The following NEIL2 variants were observed in gnomAD, a reference collection of about 807,000 sequenced individuals.
The protein encoded by NEIL2 is nei like DNA glycosylase 2.
In NEIL2, 23 loss-of-function variants were observed where a neutral mutation model predicts 22.2. The ratio of observed to expected loss-of-function variants is 1.04; its 90% CI spans 0.75 to 1.47. The LOEUF (loss-of-function observed/expected upper bound fraction) is 1.47, where lower values mean the gene tolerates loss of function less well. Among genes scored for constraint, NEIL2 ranks in the 40% most tolerant of loss-of-function variants. The pLI is 0.00. For missense variants in NEIL2, 583 were observed against 404.7 expected (o/e 1.44, Z -3.78); for synonymous variants, 229 against 164.8 (o/e 1.39, Z -2.99).
chr8:11,771,699 C>A, intron 2 of NEIL2, 114 bp downstream of exon 2: 1 of 1,087,994 alleles, frequency 9.2e-7, no homozygotes, highest in Non-Finnish European at 1.3e-6. Context: ...CCACCAAGCT[C>A]GGACTCCATG....
intron 2 of NEIL2, among the ~76,000 whole-genome samples, chr8:11,779,175 C>G (rs1448599423): frequency 6.6e-6 from 1 of 151,998 alleles, no homozygotes; most frequent in African/African-American, 2.4e-5. Context: ...CGAGGGGTAC[C>G]CAGTTTCACA....
intron 2 of NEIL2, among the ~76,000 whole-genome samples, chr8:11,774,227 T>C (rs1180420995): frequency 6.6e-6 from 1 of 152,026 alleles, no homozygotes; most frequent in African/African-American, 2.4e-5. Context: ...ATGCACAAAT[T>C]AGCTGGGCAT....
intron 3 of NEIL2, among the ~76,000 whole-genome samples, chr8:11,782,121 A>T (rs1490083571): frequency 2.0e-5 from 3 of 152,104 alleles, no homozygotes; most frequent in African/African-American, 7.2e-5. Context: ...GAAAGGGTAT[A>T]TGGAGTATTG....
intron 2 of NEIL2, among the ~76,000 whole-genome samples, chr8:11,777,690 C>T (rs1368808032): frequency 1.3e-5 from 2 of 152,322 alleles, no homozygotes; most frequent in East Asian, 3.9e-4. Flanking sequence ...AAAGTTCACC[C>T]ATGTTATAGA....
At chr8:11,783,497 A>T in intron 4 of NEIL2, 98 bp downstream of exon 4, 1 of 1,024,760 alleles carries the variant, frequency 9.8e-7, no homozygotes, top group Non-Finnish European at 1.5e-6. Flanking sequence ...TAGTTGTGCC[A>T]GTGCTGTTGG....
intron 1 of NEIL2, 113 bp from the exon 2 acceptor site, chr8:11,771,333 T>A (rs970183618): frequency 1.1e-5 from 15 of 1,384,386 alleles, no homozygotes; most frequent in East Asian, 9.2e-5. Flanking sequence ...ATGCTTGCTC[T>A]TAAAGTTAGT....
rs555229873 is a variant in NEIL2, at chr8:11,786,786, T to G, written c.*513T>G. ...CAGAGTAGCTGGGACTACAGGCATG[T>G]GATATGATGCTCGGCTGATTTTTGT... is the stretch of plus-strand genomic sequence containing the variant. On this transcript the variant is annotated 3_prime_UTR_variant, in exon 5 of 5. Coordinates refer to ENST00000284503, the MANE Select transcript of NEIL2 (RefSeq NM_145043.4). 1 of 171,788 alleles carries G rather than the reference T, an allele frequency of 5.8e-6. No homozygotes were observed. The highest frequency in any genetic ancestry group is 2.4e-5 in the African/African-American group (1 of 41,622). 10.6% of individuals were successfully genotyped at this position (171,788 alleles called of 1,614,324 possible).
intron 3 of NEIL2, among the ~76,000 whole-genome samples, chr8:11,780,741 G>A (rs1804344749): frequency 6.6e-6 from 1 of 152,182 alleles, no homozygotes; most frequent in South Asian, 2.1e-4. Context: ...CTCTATCTAG[G>A]TTTAGGATAT....
chr8:11,772,013 G>C (rs1373761811), intron 2 of NEIL2, among the ~76,000 whole-genome samples: 1 of 151,352 alleles, frequency 6.6e-6, no homozygotes, highest in Non-Finnish European at 1.5e-5. Context: ...GACCAGCCTG[G>C]CTAACATGAT....
chr8:11,769,916 C>T lies in NEIL2; in HGVS notation c.-422C>T, dbSNP rs1384229005. On this transcript the variant is annotated 5_prime_UTR_variant, in exon 1 of 5. Transcript: ENST00000284503. ...GCCGCCTGCGGAGGTGCTGCCCACGCCTGGAGGCCCCCACTGACCCTCAGA... is the reference window on the plus strand; with the variant it reads ...GCCGCCTGCGGAGGTGCTGCCCACGTCTGGAGGCCCCCACTGACCCTCAGA... 1 of 152,404 alleles carries T rather than the reference C, an allele frequency of 6.6e-6. No homozygotes were observed. The highest frequency in any genetic ancestry group is 1.5e-5 in the Non-Finnish European group (1 of 68,214). 9.4% of individuals were successfully genotyped at this position (152,404 alleles called of 1,614,324 possible). A position where few individuals can be genotyped will look rare whatever the true frequency, so the allele number is the denominator to read the frequency against.
intron 4 of NEIL2, 151 bp downstream of exon 4, chr8:11,783,550 T>C: frequency 1.4e-6 from 1 of 713,160 alleles, no homozygotes; most frequent in Non-Finnish European, 2.5e-6. Context: ...TTTACTTCCC[T>C]TGTTTTTAGA....
intron 4 of NEIL2, among the ~76,000 whole-genome samples, chr8:11,785,070 C>T (rs8191657): frequency 7.9e-5 from 12 of 152,194 alleles, no homozygotes; most frequent in African/African-American, 2.9e-4. Context: ...GAAGCTCTCA[C>T]TGTGTTGCCC....
At chr8:11,781,717 T>C (rs562948574) in intron 3 of NEIL2, among the ~76,000 whole-genome samples, 21 of 152,334 alleles carry the variant, frequency 1.4e-4, no homozygotes, top group Admixed American at 4.6e-4. Context: ...CTTTTTTCTT[T>C]AATAGGCTGG....
chr8:11,786,630 T>C lies in NEIL2; in HGVS notation c.*357T>C. The C allele has an allele frequency of 1.5e-4, 38 of 252,340 alleles. No homozygotes were observed. The highest frequency in any genetic ancestry group is 1.5e-3 in the Middle Eastern group (1 of 680). 15.6% of individuals were successfully genotyped at this position (252,340 alleles called of 1,614,324 possible). On this transcript the variant is annotated 3_prime_UTR_variant, in exon 5 of 5. Coordinates refer to ENST00000284503, the MANE Select transcript of NEIL2 (RefSeq NM_145043.4). ...ACATAGCTTTGCAGATGATGTGGGTTTTTTTTTTTTTTTTGGTTGTTTGTT... is the reference window on the plus strand; with the variant it reads ...ACATAGCTTTGCAGATGATGTGGGTCTTTTTTTTTTTTTTGGTTGTTTGTT...
chr8:11,782,798 G>A, intron 3 of NEIL2: 1 of 327,582 alleles, frequency 3.1e-6, no homozygotes, highest in Non-Finnish European at 5.9e-6. Context: ...ATGTGTGTAT[G>A]TGTGTATGAT....
chr8:11,773,268 C>A (rs549970595), intron 2 of NEIL2, among the ~76,000 whole-genome samples: 59 of 152,216 alleles, frequency 3.9e-4, no homozygotes, highest in African/African-American at 1.4e-3. Flanking sequence ...TGAAGGAACC[C>A]GTAGACGGGA....
rs369999002 is a variant in NEIL2, at chr8:11,771,630, G to A, written c.138+45G>A. 2.6e-5 allele frequency: 41 copies of A among 1,587,300 alleles called. No homozygotes were observed. The African/African-American group carries it at 4.3e-4, about 17-fold the overall frequency. The stretch of plus-strand genomic sequence containing the variant: ...AAGGGTTGGCTCTGTCGCCCATCCT[G>A]CGCCTCCCCTAGGATCTATCCCCAT... On this transcript the variant is annotated intron_variant, in intron 2 of 4. Coordinates refer to ENST00000284503, the MANE Select transcript of NEIL2 (RefSeq NM_145043.4).
rs57173797 is a variant in NEIL2 at position 11,778,943 on chromosome 8, G to GAAAAAAAAAAA, written c.139-643_139-633dup. On this transcript the variant is annotated intron_variant, in intron 2 of 4. Transcript: ENST00000284503. ...CTCCAGTCTAGGCGAGACTCCATCT[G>GAAAAAAAAAAA]AAAAAAAAAAAAAAAAAAAAAAGAC... Among the ~76,000 whole-genome samples the GAAAAAAAAAAA allele has an allele frequency of 4.5e-5, 2 of 44,504 alleles. 1 individual carries two copies. Among genetic ancestry groups the GAAAAAAAAAAA allele is most frequent in the African/African-American group, 1.8e-4 (2 of 11,120 alleles). The allele number at this position is 44,504 out of a possible 152,430, so 29.2% of individuals were successfully genotyped here.
At chr8:11,776,255 C>T (rs778003878) in intron 2 of NEIL2, among the ~76,000 whole-genome samples, 4 of 152,208 alleles carry the variant, frequency 2.6e-5, no homozygotes, top group Non-Finnish European at 1.5e-5. Context: ...ATAAAACCAT[C>T]AGATCTTGTG....
Sources: gnomAD v4.1 joint callset for allele counts (sites outside exome capture counted in the v4.1 genomes callset) on GRCh38, gnomAD v4.1.1 for gene constraint, MANE v1.5 for transcripts, NCBI Gene and HGNC (gene_info 2026-07-23, HGNC 2026-07-21) for gene names.